The following ANKRD33B variants were observed in gnomAD, a reference collection of about 807,000 sequenced individuals.
ANKRD33B encodes the protein ankyrin repeat domain 33B.
Under a neutral mutation model 21.5 loss-of-function variants are expected in ANKRD33B, and 6 were observed. That is an observed-to-expected ratio of 0.28 (90% CI 0.15 to 0.55). The LOEUF (loss-of-function observed/expected upper bound fraction) is 0.55, where lower values mean the gene tolerates loss of function less well. Ranked by LOEUF, ANKRD33B falls within the 20% of genes least tolerant of loss-of-function variation. The pLI is 0.94. For missense variants in ANKRD33B, 698 were observed against 747.2 expected (o/e 0.93, Z 0.77); for synonymous variants, 347 against 342.4 (o/e 1.01, Z -0.15).
At chr5:10,643,485 C>G (rs943683469) in intron 3 of ANKRD33B, among the ~76,000 whole-genome samples, 2 of 152,038 alleles carry the variant, frequency 1.3e-5, no homozygotes, top group Non-Finnish European at 2.9e-5. Flanking sequence ...TCTGTGTACT[C>G]TTCCTCGCTT....
At chr5:10,577,321 G>C (rs556270655) in intron 1 of ANKRD33B, among the ~76,000 whole-genome samples, 1 of 152,086 alleles carries the variant, frequency 6.6e-6, no homozygotes, top group Non-Finnish European at 1.5e-5. Context: ...GTAGAGACAG[G>C]GTTTCACCAT....
At position 10,619,278 on chromosome 5, in the gene ANKRD33B, G is replaced by A. The variant is rs543869838; in HGVS notation, c.496+816G>A. On this transcript the variant is annotated intron_variant, in intron 2 of 3. Transcript: ENST00000296657. The surrounding 1 kb of genome is among the most constrained non-coding windows in gnomAD (Gnocchi z 4.5). ...TGCAGCTGAGCCAGGAAGAACAGGC[G>A]CTTGTGTGTTGAAGGAAGGAGGGGA... 28 of 985,006 alleles carry A rather than the reference G, an allele frequency of 2.8e-5. No individual in the cohort carries two copies. Among genetic ancestry groups the A allele is most frequent in the East Asian group, 1.1e-4 (1 of 8,810 alleles). 61.0% of individuals were successfully genotyped at this position (985,006 alleles called of 1,614,324 possible).
rs185993967 is a variant in ANKRD33B at position 10,608,007 on chromosome 5, G to T, written c.367-10326G>T. On this transcript the variant is annotated intron_variant, in intron 1 of 3. Transcript: ENST00000296657. ...ATCTTCATCACCACTCCTTCTAGAA[G>T]GACTGAGAACTGAATTTGACTTTTA... Among the ~76,000 whole-genome samples the T allele has an allele frequency of 4.2e-4, 64 of 152,132 alleles. 1 individual carries two copies. Among genetic ancestry groups the T allele is most frequent in the African/African-American group, 1.4e-3 (59 of 41,484 alleles).
At chr5:10,590,019 A>G (rs1371999188) in intron 1 of ANKRD33B, among the ~76,000 whole-genome samples, 2 of 150,458 alleles carry the variant, frequency 1.3e-5, no homozygotes, top group African/African-American at 4.9e-5. Context: ...TCATATCTTT[A>G]CCCTAATCTA....
chr5:10,609,667 G>A (rs578250100), intron 1 of ANKRD33B, among the ~76,000 whole-genome samples: 1 of 152,316 alleles, frequency 6.6e-6, no homozygotes, highest in South Asian at 2.1e-4. Flanking sequence ...CCAGCACTTT[G>A]GGAGGCTGAG....
In ANKRD33B at chr5:10,650,517, C is replaced by G. The variant is rs147040312; in HGVS notation, c.*404C>G. ...TCCAAGGCAGTTTTAATACACTTGC[C>G]TGAAGACCTTTTGTTTAAGATACTG... On this transcript the variant is annotated 3_prime_UTR_variant, in exon 4 of 4. Transcript: ENST00000296657. The G allele has an allele frequency of 1.3e-5, 2 of 154,596 alleles. No individual in the cohort carries two copies. Among genetic ancestry groups the G allele is most frequent in the African/African-American group, 4.8e-5 (2 of 41,644 alleles). 9.6% of individuals were successfully genotyped at this position (154,596 alleles called of 1,614,324 possible).
At chr5:10,598,794 C>T (rs945146665) in intron 1 of ANKRD33B, among the ~76,000 whole-genome samples, 7 of 151,922 alleles carry the variant, frequency 4.6e-5, no homozygotes, top group Non-Finnish European at 5.9e-5. Flanking sequence ...GGCTCATGTC[C>T]GTAATCCCAA....
chr5:10,631,112 G>A (rs1245978598), intron 2 of ANKRD33B, among the ~76,000 whole-genome samples: 5 of 152,218 alleles, frequency 3.3e-5, no homozygotes, highest in Non-Finnish European at 7.3e-5. Context: ...CTGGCCTTAG[G>A]GAAAAGGGGT....
chr5:10,622,809 T>TTG (rs1736452159), intron 2 of ANKRD33B, among the ~76,000 whole-genome samples: 1 of 144,932 alleles, frequency 6.9e-6, no homozygotes, highest in Non-Finnish European at 1.5e-5. Context: ...TTTTATTTTA[T>TTG]TTTTTTTTTT....
chr5:10,569,262 A>G (rs1261824746), intron 1 of ANKRD33B, among the ~76,000 whole-genome samples: 1 of 152,138 alleles, frequency 6.6e-6, no homozygotes, highest in African/African-American at 2.4e-5. Flanking sequence ...AGGCCTCTGT[A>G]TGCTTGCGGA....
chr5:10,647,516 A>G (rs766388029), intron 3 of ANKRD33B, among the ~76,000 whole-genome samples: 10 of 152,250 alleles, frequency 6.6e-5, no homozygotes, highest in Non-Finnish European at 1.5e-4. Flanking sequence ...TGCAGATTTC[A>G]TCAAGTTGAG....
chr5:10,588,389 A>G (rs1735613778), intron 1 of ANKRD33B, among the ~76,000 whole-genome samples: 1 of 152,186 alleles, frequency 6.6e-6, no homozygotes. Flanking sequence ...CCTAGTGGAC[A>G]TTGAGGTTAT....
chr5:10,649,240 TTC>T, intron 3 of ANKRD33B, 24 bp from the exon 4 acceptor site: 4 of 1,501,876 alleles, frequency 2.7e-6, no homozygotes. Context: ...CGCCACCCAC[TTC>T]TGTTTGTGTT....
intron 1 of ANKRD33B, among the ~76,000 whole-genome samples, chr5:10,589,300 G>T (rs7710642): frequency 0.041 from 6,177 of 152,066 alleles, 445 homozygotes; most frequent in African/African-American, 0.14. Context: ...CTTGCCAGGG[G>T]TGCTGTCCTC....
At chr5:10,579,655 G>A (rs1006667654) in intron 1 of ANKRD33B, among the ~76,000 whole-genome samples, 4 of 151,824 alleles carry the variant, frequency 2.6e-5, no homozygotes, top group African/African-American at 9.7e-5. Context: ...AAAATTAAAT[G>A]AGTAGTATTA....
intron 2 of ANKRD33B, among the ~76,000 whole-genome samples, chr5:10,630,579 G>A (rs1425755564): frequency 6.6e-6 from 1 of 152,174 alleles, no homozygotes; most frequent in Admixed American, 6.5e-5. Flanking sequence ...GTGAATAAGA[G>A]AAGAGGCATA....
intron 1 of ANKRD33B, among the ~76,000 whole-genome samples, chr5:10,582,677 T>C (rs1033796541): frequency 6.6e-6 from 1 of 152,222 alleles, no homozygotes; most frequent in Admixed American, 6.5e-5. Flanking sequence ...CTGCTCCCTG[T>C]TCCGCCATGG....
intron 3 of ANKRD33B, among the ~76,000 whole-genome samples, chr5:10,638,393 T>C (rs1736925362): frequency 6.6e-6 from 1 of 152,242 alleles, no homozygotes; most frequent in Non-Finnish European, 1.5e-5. Context: ...TGCTGAGCTT[T>C]GCAGTGGGTG....
intron 1 of ANKRD33B, among the ~76,000 whole-genome samples, chr5:10,589,080 G>A (rs1465557378): frequency 6.6e-6 from 1 of 152,110 alleles, no homozygotes; most frequent in African/African-American, 2.4e-5. Context: ...CATTACTTCT[G>A]CTTTAAGCCT....
Sources: gnomAD v4.1 joint callset for allele counts (sites outside exome capture counted in the v4.1 genomes callset) on GRCh38, gnomAD v4.1.1 for gene constraint, Gnocchi (gnomAD v3.1) non-coding constraint, MANE v1.5 for transcripts, NCBI Gene and HGNC (gene_info 2026-07-23, HGNC 2026-07-21) for gene names.